ZKSCAN1: variants seen among roughly 807,000 people sequenced by gnomAD.
The protein encoded by ZKSCAN1 is zinc finger protein with KRAB and SCAN domains 1.
A neutral mutation model predicts 51.6 loss-of-function variants in ZKSCAN1; 14 were observed. The ratio of observed to expected loss-of-function variants is 0.27; its 90% CI spans 0.18 to 0.42. ZKSCAN1 has a LOEUF of 0.42. Ranked by LOEUF, ZKSCAN1 falls within the 10% of genes least tolerant of loss-of-function variation. ZKSCAN1 has a pLI of 1.00. For synonymous variants in ZKSCAN1, 263 were observed against 261.5 expected, an observed-to-expected ratio of 1.01 and a Z score of -0.06; for missense variants, 531 against 710.0, an observed-to-expected ratio of 0.75 and a Z score of 2.86.
downstream of ZKSCAN1, among the ~76,000 whole-genome samples, chr7:100,043,871 G>A (rs1010975676): frequency 4.3e-5 from 6 of 139,512 alleles, no homozygotes; most frequent in African/African-American, 1.5e-4. Context: ...CCACCCCCTG[G>A]GTTCAAGTGA....
At position 100,023,665 on chromosome 7, in the gene ZKSCAN1, G is replaced by A; in HGVS notation, c.159G>A (p.Glu53=). The A allele has an allele frequency of 6.2e-7, 1 of 1,614,146 alleles. No individual in the cohort carries two copies. The highest frequency in any genetic ancestry group is 1.1e-5 in the South Asian group (1 of 91,078). The stretch of plus-strand genomic sequence containing the variant: ...AGGACACGCCTCCTCCAGACCCAGA[G>A]ATATTCCGCCAACGCTTCAGGCGCT... The part of the protein sequence containing the change: ...TLQDTPPPDP[E]IFRQRFRRFC... Residue 53 remains glutamate, a synonymous_variant, in exon 2 of 6, where the codon GAG becomes GAA. Coordinates refer to ENST00000324306, the MANE Select transcript of ZKSCAN1 (RefSeq NM_003439.4).
rs761519562 is a variant in ZKSCAN1 at position 100,016,551 on chromosome 7, A to G, written c.-89+825A>G. ...TCACCAAGTCTTAATTTCGTCATCA[A>G]TAAAAACTAACTGGATTTTCTCAAA... On this transcript the variant is annotated intron_variant, in intron 1 of 5. Coordinates refer to ENST00000324306, the MANE Select transcript of ZKSCAN1 (RefSeq NM_003439.4). 9.9e-4 allele frequency among the ~76,000 whole-genome samples: 151 copies of G among 152,318 alleles called. 1 individual carries two copies. Among genetic ancestry groups the G allele is most frequent in the Non-Finnish European group, 3.1e-4 (21 of 68,032 alleles).
At chr7:100,027,200 G>A (rs549773705) in intron 3 of ZKSCAN1, among the ~76,000 whole-genome samples, 2 of 151,234 alleles carry the variant, frequency 1.3e-5, no homozygotes, top group Non-Finnish European at 2.9e-5. Flanking sequence ...AGGAGGCTGA[G>A]ACACAAGAAC....
At position 100,033,337 on chromosome 7, in the gene ZKSCAN1, A is replaced by G. The variant is rs774644217; in HGVS notation, c.832A>G (p.Thr278Ala). The change falls in exon 6 of 6, where the codon ACC (threonine) becomes GCC (alanine). Residue 278 changes from threonine (T) to alanine (A), a missense_variant. By Grantham distance (58) the Thr-to-Ala change is moderately conservative. This residue lies in a region of ZKSCAN1 where 403 missense variants were observed against 490.5 expected (regional missense o/e 0.82). Transcript: ENST00000324306. This position sits in a 1 kb window ranked among gnomAD's most constrained non-coding sequence, Gnocchi z 4.1. ...AAACAGGAATGAGAACGAGGAGTCA[A>G]CCTCAAAGGCTGAAACCTCGGAAGA... ...GENRNENEES[T>A]SKAETSEDSA... is the part of the protein sequence containing the mutation. 14 of 1,611,290 alleles carry G rather than the reference A, an allele frequency of 8.7e-6. No homozygotes were observed. Among genetic ancestry groups the G allele is most frequent in the South Asian group, 1.1e-5 (1 of 90,340 alleles).
Position 100,035,713 on chromosome 7 carries a change from T to G in ZKSCAN1, c.*1516T>G, listed in dbSNP as rs1453084971. The G allele has an allele frequency of 8.4e-6, 3 of 358,556 alleles. No individual in the cohort carries two copies. The highest frequency in any genetic ancestry group is 1.2e-5 in the Non-Finnish European group (3 of 256,788). 22.2% of individuals were successfully genotyped at this position (358,556 alleles called of 1,614,324 possible). A position where few individuals can be genotyped will look rare whatever the true frequency, so the allele number is the denominator to read the frequency against. On this transcript the variant is annotated 3_prime_UTR_variant, in exon 6 of 6. Coordinates refer to ENST00000324306, the MANE Select transcript of ZKSCAN1 (RefSeq NM_003439.4). Reference sequence around the variant, plus strand: ...GATGTGGCTGGCTGTGCCATCGTCATAGTGCACAGTGACTTTTCTGTTTCT... The same window carrying G: ...GATGTGGCTGGCTGTGCCATCGTCAGAGTGCACAGTGACTTTTCTGTTTCT...
Position 100,033,610 on chromosome 7 carries a change from G to A in ZKSCAN1, c.1105G>A (p.Glu369Lys). The A allele has an allele frequency of 6.2e-7, 1 of 1,614,234 alleles. No homozygotes were observed. The highest frequency in any genetic ancestry group is 8.5e-7 in the Non-Finnish European group (1 of 1,180,042). ...SLSSNFTTPE[E>K]VPTGTKSHRC... ...GAGCTCCAACTTCACCACCCCTGAA[G>A]AAGTTCCCACGGGAACAAAGTCTCA... The change falls in exon 6 of 6, where the codon GAA becomes AAA. Residue 369 changes from glutamate to lysine, a missense_variant. Coordinates refer to ENST00000324306, the MANE Select transcript of ZKSCAN1 (RefSeq NM_003439.4). This position sits in a 1 kb window ranked among gnomAD's most constrained non-coding sequence, Gnocchi z 4.1.
chr7:100,043,146 G>A (rs956385842), downstream of ZKSCAN1, among the ~76,000 whole-genome samples: 1 of 151,126 alleles, frequency 6.6e-6, no homozygotes, highest in Non-Finnish European at 1.5e-5. Context: ...TTCCCAAGCT[G>A]GTCTTGAACT....
At chr7:100,032,483 T>C (rs1000619720) in intron 5 of ZKSCAN1, among the ~76,000 whole-genome samples, 2 of 152,242 alleles carry the variant, frequency 1.3e-5, no homozygotes, top group African/African-American at 2.4e-5. Context: ...TTCCAAATTT[T>C]TGTTGTTCCA....
chr7:100,025,540 A>G (rs1192381522), intron 3 of ZKSCAN1, among the ~76,000 whole-genome samples: 2 of 152,238 alleles, frequency 1.3e-5, no homozygotes, highest in Non-Finnish European at 2.9e-5. Flanking sequence ...TGTGCTTAGA[A>G]TGTAAAGACA....
chr7:100,023,271 A>G, intron 1 of ZKSCAN1, 148 bp from the exon 2 acceptor site: 1 of 385,488 alleles, frequency 2.6e-6, no homozygotes, highest in Non-Finnish European at 4.6e-6. Context: ...TCGGCCTCCC[A>G]AAGTGCTGAG....
At chr7:100,025,953 G>C (rs1313315254) in intron 3 of ZKSCAN1, among the ~76,000 whole-genome samples, 1 of 152,090 alleles carries the variant, frequency 6.6e-6, no homozygotes, top group Non-Finnish European at 1.5e-5. Context: ...GAGCGCAGTG[G>C]CTCACACCTA....
At chr7:100,021,116 C>CTTTTTTTTTTTTTTTTT (rs60632908) in intron 1 of ZKSCAN1, among the ~76,000 whole-genome samples, 1 of 85,290 alleles carries the variant, frequency 1.2e-5, no homozygotes, top group Non-Finnish European at 2.2e-5. Context: ...TTTTTTTTTC[C>CTTTTTTTTTTTTTTTTT]TTTTTTTTTT....
rs1791187998 is a variant in ZKSCAN1, at chr7:100,033,208, T to C, written c.800-97T>C. The C allele has an allele frequency of 3.4e-6, 5 of 1,461,062 alleles. No individual in the cohort carries two copies. The highest frequency in any genetic ancestry group is 3.6e-6 in the Non-Finnish European group (4 of 1,111,904). 90.5% of individuals were successfully genotyped at this position (1,461,062 alleles called of 1,614,324 possible). A position where few individuals can be genotyped will look rare whatever the true frequency, so the allele number is the denominator to read the frequency against. On this transcript the variant is annotated intron_variant, in intron 5 of 5. Coordinates refer to ENST00000324306, the MANE Select transcript of ZKSCAN1 (RefSeq NM_003439.4). This position sits in a 1 kb window ranked among gnomAD's most constrained non-coding sequence, Gnocchi z 4.1. ...AAATAAAAATATTGCAAAGTCATTT[T>C]GCAGCCGTGTAGAAGCTTCTCGGGA...
At chr7:100,029,281 A>G (rs902739751) in intron 3 of ZKSCAN1, among the ~76,000 whole-genome samples, 5 of 151,136 alleles carry the variant, frequency 3.3e-5, no homozygotes, top group Non-Finnish European at 7.4e-5. Flanking sequence ...TCTGGATTTC[A>G]TTGAGACGGG....
Position 100,033,465 on chromosome 7 carries a change from G to C in ZKSCAN1, c.960G>C (p.Glu320Asp). ...GAGAAAGACAGCAGAAAAACCCTGA[G>C]GAGAAAACCAGGAAAGAGAAAAGAG... ...KTGERQQKNP[E>D]EKTRKEKRDS... is the part of the protein sequence containing the mutation. The change falls in exon 6 of 6, where the codon GAG becomes GAC. Residue 320 changes from glutamate to aspartate, a missense_variant. Glu to Asp is a conservative substitution (Grantham distance 45). This residue lies in a region of ZKSCAN1 where 403 missense variants were observed against 490.5 expected (regional missense o/e 0.82). Transcript: ENST00000324306. This position sits in a 1 kb window ranked among gnomAD's most constrained non-coding sequence, Gnocchi z 4.1. The C allele has an allele frequency of 3.1e-6, 5 of 1,613,876 alleles. No homozygotes were observed. The highest frequency in any genetic ancestry group is 4.2e-6 in the Non-Finnish European group (5 of 1,179,962).
Position 100,033,172 on chromosome 7 carries a change from A to C in ZKSCAN1, c.800-133A>C. The C allele has an allele frequency of 7.1e-7, 1 of 1,417,498 alleles. No individual in the cohort carries two copies. Among genetic ancestry groups the C allele is most frequent in the African/African-American group, 1.4e-5 (1 of 69,284 alleles). 87.8% of individuals were successfully genotyped at this position (1,417,498 alleles called of 1,614,324 possible). A position where few individuals can be genotyped will look rare whatever the true frequency, so the allele number is the denominator to read the frequency against. ...GGGCGACAGAGCGAGACTCTGTCTC[A>C]AAGGAAATAAAAATAAAAATATTGC... is the stretch of plus-strand genomic sequence containing the variant. On this transcript the variant is annotated intron_variant, in intron 5 of 5. Transcript: ENST00000324306. The surrounding 1 kb of genome is among the most constrained non-coding windows in gnomAD (Gnocchi z 4.1).
chr7:100,030,096 C>T, intron 4 of ZKSCAN1, 144 bp downstream of exon 4: 2 of 1,395,536 alleles, frequency 1.4e-6, no homozygotes, highest in South Asian at 2.7e-5. Context: ...CATCTTTCTA[C>T]CACAAACTCC....
rs1008805396 is a variant in ZKSCAN1 at position 100,038,093 on chromosome 7, A to G, written c.*3896A>G. 2 of 985,364 alleles carry G rather than the reference A, an allele frequency of 2.0e-6. No homozygotes were observed. The highest frequency in any genetic ancestry group is 2.4e-6 in the Non-Finnish European group (2 of 829,912). 61.0% of individuals were successfully genotyped at this position (985,364 alleles called of 1,614,324 possible). On this transcript the variant is annotated 3_prime_UTR_variant, in exon 6 of 6. Transcript: ENST00000324306. ...CTACAGATGAAAAAAAATGTGGGGA[A>G]ATGCTTTAAAAAAATAGCAAAATGT... is the stretch of plus-strand genomic sequence containing the variant.
downstream of ZKSCAN1, among the ~76,000 whole-genome samples, chr7:100,044,364 C>T (rs544313890): frequency 1.1e-4 from 17 of 152,074 alleles, no homozygotes; most frequent in Admixed American, 3.3e-4. Context: ...TCTTCCTTAC[C>T]ATGCTTTAAC....
Sources: gnomAD v4.1 joint callset for allele counts (sites outside exome capture counted in the v4.1 genomes callset) on GRCh38, gnomAD v4.1.1 for gene constraint, gnomAD v4.1.1 regional missense constraint, Gnocchi (gnomAD v3.1) non-coding constraint, MANE v1.5 for transcripts, NCBI Gene and HGNC (gene_info 2026-07-23, HGNC 2026-07-21) for gene names.